NRF1: variants seen among roughly 807,000 people sequenced by gnomAD.
NRF1 encodes nuclear respiratory factor 1.
NRF1 carries 5 observed loss-of-function variants against 58.5 expected under a neutral mutation model. The ratio of observed to expected loss-of-function variants is 0.09; its 90% CI spans 0.04 to 0.18. The LOEUF is 0.18. Among genes scored for constraint, NRF1 ranks in the 10% least tolerant of loss-of-function variants. The pLI is 1.00. For missense variants in NRF1, 288 were observed against 657.7 expected, an observed-to-expected ratio of 0.44 and a Z score of 6.15; for synonymous variants, 224 against 246.7, an observed-to-expected ratio of 0.91 and a Z score of 0.86.
chr7:129,668,998 A>G (rs748222707), intron 2 of NRF1, among the ~76,000 whole-genome samples: 9 of 152,050 alleles, frequency 5.9e-5, no homozygotes, highest in Non-Finnish European at 1.2e-4. Flanking sequence ...CCCAGGCCAG[A>G]GTGCAGTGGA....
Position 129,647,384 on chromosome 7 carries a change from A to G in NRF1, c.-6-9962A>G, listed in dbSNP as rs1801432896. ...AAGTCATTATGAAGTTGTGTGGTAA[A>G]GCTTTTTTTTCTTTTCTTGCTTTTT... On this transcript the variant is annotated intron_variant, in intron 1 of 10. Transcript: ENST00000393232. Among the ~76,000 whole-genome samples the G allele has an allele frequency of 2.7e-5, 4 of 148,662 alleles. No individual in the cohort carries two copies. In the South Asian group the frequency reaches 8.5e-4, roughly 32 times the overall value.
At chr7:129,730,976 CAA>C (rs60913727) in intron 10 of NRF1, among the ~76,000 whole-genome samples, 17 of 124,970 alleles carry the variant, frequency 1.4e-4, no homozygotes, top group Admixed American at 3.4e-4. Context: ...GACCCTGTCT[CAA>C]AAAAAAAAAA....
In NRF1 at chr7:129,618,013, ATAAGAGGTTTGAG is replaced by A. The variant is rs1800692083; in HGVS notation, c.-7+6192_-7+6204del. ...TTTATTCTATAGGCATTTAGGGACC[ATAAGAGGTTTGAG>A]TAGGACATCCACTATGGTTTTTAAA... On this transcript the variant is annotated intron_variant, in intron 1 of 10. Coordinates refer to ENST00000393232, the MANE Select transcript of NRF1 (RefSeq NM_005011.5). Among the ~76,000 whole-genome samples, 4 of 152,216 alleles carry A rather than the reference ATAAGAGGTTTGAG, an allele frequency of 2.6e-5. No homozygotes were observed. The South Asian group carries it at 8.3e-4, about 31-fold the overall frequency.
At chr7:129,645,048 A>G (rs1166153726) in intron 1 of NRF1, among the ~76,000 whole-genome samples, 1 of 125,808 alleles carries the variant, frequency 7.9e-6, no homozygotes. Flanking sequence ...ACCCAGTGTA[A>G]AAAAAAAAAA....
At position 129,640,946 on chromosome 7, in the gene NRF1, C is replaced by G. The variant is rs533936282; in HGVS notation, c.-6-16400C>G. Among the ~76,000 whole-genome samples the G allele has an allele frequency of 1.4e-3, 218 of 152,294 alleles. 1 individual carries two copies. Among genetic ancestry groups the G allele is most frequent in the African/African-American group, 5.0e-3 (206 of 41,560 alleles). On this transcript the variant is annotated intron_variant, in intron 1 of 10. Coordinates refer to ENST00000393232, the MANE Select transcript of NRF1 (RefSeq NM_005011.5). Reference sequence around the variant, plus strand: ...TCTTTGGGAACCAAAGTAAACAGTTCCAGATTTTTCAGCCAGTCTTCATCA... The same window carrying G: ...TCTTTGGGAACCAAAGTAAACAGTTGCAGATTTTTCAGCCAGTCTTCATCA...
At chr7:129,693,348 C>A (rs375146884) in intron 5 of NRF1, among the ~76,000 whole-genome samples, 2 of 152,238 alleles carry the variant, frequency 1.3e-5, no homozygotes, top group South Asian at 4.2e-4. Flanking sequence ...AAATAGTGAT[C>A]TTTTGATTGT....
At chr7:129,634,029 TAAA>T (rs34010272) in intron 1 of NRF1, among the ~76,000 whole-genome samples, 2,131 of 110,726 alleles carry the variant, frequency 0.019, 33 homozygotes, top group Middle Eastern at 0.059. Context: ...CATCTGTATT[TAAA>T]AAAAAAAAAA....
chr7:129,685,758 G>A (rs560008637), intron 4 of NRF1, among the ~76,000 whole-genome samples: 2 of 152,048 alleles, frequency 1.3e-5, no homozygotes, highest in Non-Finnish European at 2.9e-5. Flanking sequence ...AGGATACTTG[G>A]GAAGTTTTTT....
chr7:129,682,786 A>G (rs1442830044), intron 4 of NRF1, among the ~76,000 whole-genome samples: 2 of 152,148 alleles, frequency 1.3e-5, no homozygotes, highest in African/African-American at 4.8e-5. Context: ...TGGGTGACAG[A>G]GTGAGACAAT....
At chr7:129,696,209 A>G (rs374192104) in intron 5 of NRF1, among the ~76,000 whole-genome samples, 117 of 152,122 alleles carry the variant, frequency 7.7e-4, no homozygotes, top group African/African-American at 2.6e-3. Context: ...ATGCCATCGC[A>G]CTCCAGCCTG....
intron 5 of NRF1, among the ~76,000 whole-genome samples, chr7:129,695,466 C>T (rs1291248399): frequency 6.6e-6 from 1 of 151,764 alleles, no homozygotes; most frequent in Non-Finnish European, 1.5e-5. Flanking sequence ...AATCCAGCTA[C>T]TCGGGAGGCT....
chr7:129,671,188 G>A (rs1802040233), intron 2 of NRF1, among the ~76,000 whole-genome samples: 1 of 152,188 alleles, frequency 6.6e-6, no homozygotes, highest in African/African-American at 2.4e-5. Context: ...TCAAACTAGT[G>A]TGTGATGGGG....
At chr7:129,678,840 TACTC>T (rs1490691640) in intron 4 of NRF1, among the ~76,000 whole-genome samples, 1 of 152,106 alleles carries the variant, frequency 6.6e-6, no homozygotes, top group East Asian at 1.9e-4. Context: ...TTCAGAAAAT[TACTC>T]ACTGCAAAAA....
At chr7:129,734,416 A>G (rs1310346597) in intron 10 of NRF1, among the ~76,000 whole-genome samples, 1 of 152,216 alleles carries the variant, frequency 6.6e-6, no homozygotes, top group Non-Finnish European at 1.5e-5. Flanking sequence ...AGACTCCACA[A>G]ATACAGGGTG....
chr7:129,672,025 G>T (rs1345172198), intron 3 of NRF1, among the ~76,000 whole-genome samples: 11 of 152,020 alleles, frequency 7.2e-5, no homozygotes, highest in Admixed American at 7.2e-4. Flanking sequence ...TTTGAACAGA[G>T]ACTTGAAGGT....
intron 1 of NRF1, among the ~76,000 whole-genome samples, chr7:129,655,205 T>C (rs1013000680): frequency 1.3e-5 from 2 of 152,234 alleles, no homozygotes; most frequent in African/African-American, 4.8e-5. Context: ...GTATTTCACT[T>C]TTTGGTGGTG....
intron 2 of NRF1, among the ~76,000 whole-genome samples, chr7:129,659,658 G>C (rs1801738400): frequency 6.6e-6 from 1 of 152,100 alleles, no homozygotes; most frequent in African/African-American, 2.4e-5. Context: ...TGCTGCTATT[G>C]AGAATTCAGC....
In NRF1 at chr7:129,683,739, A is replaced by G. The variant is rs57228344; in HGVS notation, c.465+5981A>G. Among the ~76,000 whole-genome samples, 802 of 146,138 alleles carry G rather than the reference A, an allele frequency of 5.5e-3. 11 individuals are homozygous for G. Among genetic ancestry groups the G allele is most frequent in the African/African-American group, 0.02 (773 of 39,254 alleles). On this transcript the variant is annotated intron_variant, in intron 4 of 10. Transcript: ENST00000393232. Reference sequence around the variant, plus strand: ...AGCCTTTGCCTCCCAGGTTCAAGCAATTCTCTGCCTCAGCCTCCGAGTAGT... The same window carrying G: ...AGCCTTTGCCTCCCAGGTTCAAGCAGTTCTCTGCCTCAGCCTCCGAGTAGT...
At chr7:129,683,519 G>A (rs1475125031) in intron 4 of NRF1, among the ~76,000 whole-genome samples, 3 of 148,786 alleles carry the variant, frequency 2.0e-5, no homozygotes, top group African/African-American at 5.0e-5. Context: ...TACTAGAGAC[G>A]GGGTTTCACC....
Sources: allele counts gnomAD v4.1 joint callset (sites outside exome capture counted in the v4.1 genomes callset), GRCh38; gene constraint gnomAD v4.1.1; transcripts MANE v1.5; gene names NCBI Gene and HGNC (gene_info 2026-07-23, HGNC 2026-07-21).